CCDC150: variants seen among roughly 807,000 people sequenced by gnomAD.
The protein encoded by CCDC150 is coiled-coil domain containing 150.
CCDC150 carries 151 observed loss-of-function variants against 156.5 expected under a neutral mutation model. The ratio of observed to expected loss-of-function variants is 0.97; its 90% CI spans 0.85 to 1.10. The LOEUF (loss-of-function observed/expected upper bound fraction) is 1.10. Among genes scored for constraint, CCDC150 ranks in the 50% least tolerant of loss-of-function variants. CCDC150 has a pLI of 0.00. For missense variants in CCDC150, 1,312 were observed against 1,268.1 expected, an observed-to-expected ratio of 1.03 and a Z score of -0.53; for synonymous variants, 452 against 429.4, an observed-to-expected ratio of 1.05 and a Z score of -0.65.
At position 196,732,592 on chromosome 2, in the gene CCDC150, T is replaced by C. The variant is rs1415657682; in HGVS notation, c.*30T>C. 7.2e-7 allele frequency: 1 copy of C among 1,398,158 alleles called. No homozygotes were observed. The highest frequency in any genetic ancestry group is 1.4e-5 in the African/African-American group (1 of 70,634). The allele number at this position is 1,398,158 out of a possible 1,614,324, so 86.6% of individuals were successfully genotyped here. A position where few individuals can be genotyped will look rare whatever the true frequency, so the allele number is the denominator to read the frequency against. On this transcript the variant is annotated 3_prime_UTR_variant, in exon 28 of 28. Coordinates refer to ENST00000389175, the MANE Select transcript of CCDC150 (RefSeq NM_001080539.2). ...CTTGACAAGGGAGCTTCTTTATGTGTAGCTACACTCCATGATTCCAAGAGC... is the reference window on the plus strand; with the variant it reads ...CTTGACAAGGGAGCTTCTTTATGTGCAGCTACACTCCATGATTCCAAGAGC...
chr2:196,671,139 A>G (rs1407822359), intron 8 of CCDC150, among the ~76,000 whole-genome samples: 1 of 152,198 alleles, frequency 6.6e-6, no homozygotes, highest in Non-Finnish European at 1.5e-5. Context: ...GTATAATGAC[A>G]TATATCTACC....
At chr2:196,702,343 C>CTGTGTGTGAGTG (rs1696272408) in intron 15 of CCDC150, among the ~76,000 whole-genome samples, 1 of 143,682 alleles carries the variant, frequency 7.0e-6, no homozygotes, top group Non-Finnish European at 1.5e-5. Context: ...GACTGAAGTG[C>CTGTGTGTGAGTG]TGTGTGTGTG....
chr2:196,679,194 C>T (rs1694675211), intron 13 of CCDC150, among the ~76,000 whole-genome samples: 1 of 152,074 alleles, frequency 6.6e-6, no homozygotes. Flanking sequence ...CAGTGAAATT[C>T]ACCCTTTTTT....
At chr2:196,678,193 G>A (rs544459262) in intron 13 of CCDC150, among the ~76,000 whole-genome samples, 2 of 152,274 alleles carry the variant, frequency 1.3e-5, no homozygotes, top group African/African-American at 4.8e-5. Flanking sequence ...TAAAGATTAT[G>A]TATCACTGTC....
chr2:196,645,109 G>C (rs1467924308), intron 1 of CCDC150, among the ~76,000 whole-genome samples: 1 of 152,106 alleles, frequency 6.6e-6, no homozygotes, highest in Non-Finnish European at 1.5e-5. Flanking sequence ...AGGTGACAGA[G>C]CAAGACTCTG....
intron 26 of CCDC150, among the ~76,000 whole-genome samples, chr2:196,731,406 T>C (rs1372306897): frequency 1.3e-5 from 2 of 151,462 alleles, no homozygotes; most frequent in African/African-American, 4.8e-5. Context: ...TTTTTTTTTT[T>C]TTCCAAGACA....
rs78858972 is a variant in CCDC150 at position 196,699,085 on chromosome 2, T to A, written c.1624-2024T>A. 7.1e-3 allele frequency among the ~76,000 whole-genome samples: 1,086 copies of A among 152,334 alleles called. 18 individuals carry two copies. The highest frequency in any genetic ancestry group is 0.025 in the African/African-American group (1,044 of 41,578). On this transcript the variant is annotated intron_variant, in intron 14 of 27. Transcript: ENST00000389175. Reference sequence around the variant, plus strand: ...AGAGCACTGTGTTTTCCGCAAAAATTAATCAATGATGAACTAACTTTGTGA... The same window carrying A: ...AGAGCACTGTGTTTTCCGCAAAAATAAATCAATGATGAACTAACTTTGTGA...
chr2:196,662,757 C>T (rs1213870953), intron 5 of CCDC150, among the ~76,000 whole-genome samples: 1 of 151,838 alleles, frequency 6.6e-6, no homozygotes, highest in Non-Finnish European at 1.5e-5. Flanking sequence ...GGCAAAACCC[C>T]ATTTCTGGAA....
intron 13 of CCDC150, among the ~76,000 whole-genome samples, chr2:196,688,325 G>T (rs1417767115): frequency 1.3e-5 from 2 of 152,100 alleles, no homozygotes; most frequent in African/African-American, 4.8e-5. Flanking sequence ...CTACCTAGTA[G>T]CTGTATTCCT....
chr2:196,709,830 C>T (rs775622289), intron 15 of CCDC150, among the ~76,000 whole-genome samples: 5 of 152,198 alleles, frequency 3.3e-5, no homozygotes, highest in Non-Finnish European at 5.9e-5. Context: ...TGGGTATCAC[C>T]ACCGGAGGCT....
chr2:196,692,539 A>AAG (rs1695554650), intron 13 of CCDC150, among the ~76,000 whole-genome samples: 1 of 152,136 alleles, frequency 6.6e-6, no homozygotes, highest in Non-Finnish European at 1.5e-5. Flanking sequence ...TTTTCTCATT[A>AAG]GTTTTAAATA....
chr2:196,718,689 T>C, intron 18 of CCDC150, 58 bp downstream of exon 18: 3 of 1,583,116 alleles, frequency 1.9e-6, no homozygotes, highest in Non-Finnish European at 2.6e-6. Flanking sequence ...TATGAAATCT[T>C]TCATGAGCCA....
intron 15 of CCDC150, among the ~76,000 whole-genome samples, chr2:196,705,385 A>G (rs1044949898): frequency 8.5e-5 from 13 of 152,192 alleles, no homozygotes; most frequent in Non-Finnish European, 1.6e-4. Context: ...TCCTTCGCCA[A>G]CTTTTTGATG....
At chr2:196,711,738 A>G (rs907810778) in intron 15 of CCDC150, among the ~76,000 whole-genome samples, 1 of 152,152 alleles carries the variant, frequency 6.6e-6, no homozygotes, top group Non-Finnish European at 1.5e-5. Context: ...CTGGTCTGAT[A>G]TGTCTGCTTC....
At chr2:196,651,461 A>G (rs541645777) in intron 2 of CCDC150, among the ~76,000 whole-genome samples, 1 of 152,346 alleles carries the variant, frequency 6.6e-6, no homozygotes, top group East Asian at 1.9e-4. Context: ...CTTGTAAAGT[A>G]GTGGCAATAA....
At position 196,719,530 on chromosome 2, in the gene CCDC150, AAAG is replaced by A; in HGVS notation, c.2034_2036del (p.Glu678del). Reference sequence around the variant, plus strand: ...CTTTCAGCGACAATTGGCAGAAGCTAAAGAAGACAACTGCAAAGTCACAATCAT... The same window carrying A: ...CTTTCAGCGACAATTGGCAGAAGCTAAAGACAACTGCAAAGTCACAATCAT... On this transcript the variant is annotated inframe_deletion, in exon 19 of 28. Transcript: ENST00000389175. 1.2e-6 allele frequency: 2 copies of A among 1,611,628 alleles called. No individual in the cohort carries two copies. Among genetic ancestry groups the A allele is most frequent in the Non-Finnish European group, 1.7e-6 (2 of 1,179,008 alleles).
Position 196,730,893 on chromosome 2 carries a change from G to A in CCDC150, c.3017G>A (p.Cys1006Tyr), listed in dbSNP as rs781411346. Residue 1006 changes from cysteine to tyrosine, a missense_variant, in exon 26 of 28, where the codon TGT becomes TAT. By Grantham distance (194) the Cys-to-Tyr change is radical. Coordinates refer to ENST00000389175, the MANE Select transcript of CCDC150 (RefSeq NM_001080539.2). Reference sequence around the variant, plus strand: ...GAAACTGTCAGACACCTGAAGAAATGTAAAGAGGCAACAGAGAATACGCTG... The same window carrying A: ...GAAACTGTCAGACACCTGAAGAAATATAAAGAGGCAACAGAGAATACGCTG... ...LEETVRHLKKCKEATENTLKE... is the reference protein window; with the variant it reads ...LEETVRHLKKYKEATENTLKE... 8 of 1,601,498 alleles carry A rather than the reference G, an allele frequency of 5.0e-6. No homozygotes were observed. Among genetic ancestry groups the A allele is most frequent in the African/African-American group, 4.0e-5 (3 of 74,670 alleles).
chr2:196,713,635 A>G, intron 17 of CCDC150: 2 of 1,462,808 alleles, frequency 1.4e-6, no homozygotes, highest in Non-Finnish European at 1.8e-6. Context: ...TTCTAGCCTC[A>G]AGACCTTTAA....
rs1319537930 is a variant in CCDC150, at chr2:196,716,509, C to CAATACAATTCCATATAAAATTCTAGAA, written c.1867-1986_1867-1960dup. On this transcript the variant is annotated intron_variant, in intron 17 of 27. Transcript: ENST00000389175. ...GAAGTTATTCAAAAAAGAGTGCATACAATACAATTCCATATAAAATTCTAG... is the reference window on the plus strand; with the variant it reads ...GAAGTTATTCAAAAAAGAGTGCATACAATACAATTCCATATAAAATTCTAGAAAATACAATTCCATATAAAATTCTAG... Among the ~76,000 whole-genome samples the CAATACAATTCCATATAAAATTCTAGAA allele has an allele frequency of 1.8e-4, 28 of 151,890 alleles. 1 individual carries two copies. In the East Asian group the frequency reaches 5.2e-3, roughly 28 times the overall value.
Sources: allele counts gnomAD v4.1 joint callset (sites outside exome capture counted in the v4.1 genomes callset), GRCh38; gene constraint gnomAD v4.1.1; transcripts MANE v1.5; gene names NCBI Gene and HGNC (gene_info 2026-07-23, HGNC 2026-07-21).